DERA: variants seen among roughly 807,000 people sequenced by gnomAD.
The protein encoded by DERA is 2-deoxy-D-ribose 5-phosphate aldolase.
A neutral mutation model predicts 41.1 loss-of-function variants in DERA; 15 were observed. The observed-to-expected ratio is 0.37, with a 90% CI of 0.24 to 0.56. DERA has a LOEUF of 0.56. Ranked by LOEUF, DERA falls within the 20% of genes least tolerant of loss-of-function variation. The pLI is 0.81. For missense variants in DERA, 396 were observed against 403.4 expected, an observed-to-expected ratio of 0.98 and a Z score of 0.16; for synonymous variants, 139 against 137.4, an observed-to-expected ratio of 1.01 and a Z score of -0.08.
intron 5 of DERA, among the ~76,000 whole-genome samples, chr12:15,974,490 GCAGGTATACCA>G (rs1822802628): frequency 6.6e-6 from 1 of 152,026 alleles, no homozygotes; most frequent in African/African-American, 2.4e-5. Context: ...CACATTTTTG[GCAGGTATACCA>G]CAGAACTTTT....
chr12:15,950,471 G>T (rs1468725884), intron 1 of DERA, among the ~76,000 whole-genome samples: 1 of 152,154 alleles, frequency 6.6e-6, no homozygotes, highest in Non-Finnish European at 1.5e-5. Context: ...TTATCAGCAA[G>T]GTCTTTATGA....
At chr12:15,944,122 G>T (rs888594796) in intron 1 of DERA, among the ~76,000 whole-genome samples, 2 of 151,846 alleles carry the variant, frequency 1.3e-5, no homozygotes, top group African/African-American at 4.8e-5. Flanking sequence ...TTAATCCAGG[G>T]TATCATTGAT....
At chr12:15,945,703 T>A (rs1422137712) in intron 1 of DERA, among the ~76,000 whole-genome samples, 1 of 152,192 alleles carries the variant, frequency 6.6e-6, no homozygotes, top group Non-Finnish European at 1.5e-5. Context: ...CTTTTTCTAA[T>A]TGAATACCCT....
chr12:15,929,398 G>A (rs1948311202), intron 1 of DERA, among the ~76,000 whole-genome samples: 2 of 152,150 alleles, frequency 1.3e-5, no homozygotes, highest in Non-Finnish European at 2.9e-5. Flanking sequence ...CCTCTAATTC[G>A]GTTTTGAACA....
At position 15,983,582 on chromosome 12, in the gene DERA, A is replaced by G. The variant is rs1371067651; in HGVS notation, c.637+1146A>G. On this transcript the variant is annotated intron_variant, in intron 6 of 8. Transcript: ENST00000428559. This position sits in a 1 kb window ranked among gnomAD's most constrained non-coding sequence, Gnocchi z 6.2. ...TCCTCTGTGTGTCCCCACGGCATTC[A>G]AGTAAAAGCCCTATCATATAACTTA... Among the ~76,000 whole-genome samples, 1 of 152,160 alleles carries G rather than the reference A, an allele frequency of 6.6e-6. No homozygotes were observed. The highest frequency in any genetic ancestry group is 1.5e-5 in the Non-Finnish European group (1 of 68,022).
rs932971719 is a variant in DERA at position 16,014,267 on chromosome 12, G to A, written c.638-18275G>A. Among the ~76,000 whole-genome samples, 1 of 152,274 alleles carries A rather than the reference G, an allele frequency of 6.6e-6. No homozygotes were observed. Among genetic ancestry groups the A allele is most frequent in the African/African-American group, 2.4e-5 (1 of 41,560 alleles). ...AAGACAGTGGGGGAAATGTCTCCAG[G>A]GCATGTCAGAGATCTTCATGGCAGT... On this transcript the variant is annotated intron_variant, in intron 6 of 8. Coordinates refer to ENST00000428559, the MANE Select transcript of DERA (RefSeq NM_015954.4). The surrounding 1 kb of genome is among the most constrained non-coding windows in gnomAD (Gnocchi z 5.4).
At chr12:15,979,655 G>A (rs993867077) in intron 5 of DERA, among the ~76,000 whole-genome samples, 1 of 152,158 alleles carries the variant, frequency 6.6e-6, no homozygotes, top group Non-Finnish European at 1.5e-5. Flanking sequence ...GGTAAAATAG[G>A]CCAGTAAAAT....
At position 15,989,984 on chromosome 12, in the gene DERA, T is replaced by G. The variant is rs1184259527; in HGVS notation, c.637+7548T>G. ...GTTCTGTCTTGCATATTTTGTGACC[T>G]TGAACAAATAAATTAATCTGGTTAT... On this transcript the variant is annotated intron_variant, in intron 6 of 8. Coordinates refer to ENST00000428559, the MANE Select transcript of DERA (RefSeq NM_015954.4). This position sits in a 1 kb window ranked among gnomAD's most constrained non-coding sequence, Gnocchi z 5.2. 1.3e-5 allele frequency among the ~76,000 whole-genome samples: 2 copies of G among 152,210 alleles called. No homozygotes were observed. Among genetic ancestry groups the G allele is most frequent in the Non-Finnish European group, 2.9e-5 (2 of 68,034 alleles).
chr12:15,912,433 C>A (rs1948171568), intron 1 of DERA, among the ~76,000 whole-genome samples: 1 of 152,170 alleles, frequency 6.6e-6, no homozygotes, highest in Non-Finnish European at 1.5e-5. Context: ...AAACCATGAT[C>A]AAGAGAAGGT....
rs1403350843 is a variant in DERA, at chr12:16,019,418, C to T, written c.638-13124C>T. ...AAACACTGATTTCATGTGATCAGAC[C>T]TCACATTACCTAAAGAACAGAGCCC... is the stretch of plus-strand genomic sequence containing the variant. On this transcript the variant is annotated intron_variant, in intron 6 of 8. Coordinates refer to ENST00000428559, the MANE Select transcript of DERA (RefSeq NM_015954.4). The surrounding 1 kb of genome is among the most constrained non-coding windows in gnomAD (Gnocchi z 4.4). Among the ~76,000 whole-genome samples, 2 of 152,144 alleles carry T rather than the reference C, an allele frequency of 1.3e-5. No homozygotes were observed. Among genetic ancestry groups the T allele is most frequent in the African/African-American group, 4.8e-5 (2 of 41,438 alleles).
intron 1 of DERA, among the ~76,000 whole-genome samples, chr12:15,925,901 C>T (rs1165053934): frequency 6.9e-6 from 1 of 145,550 alleles, no homozygotes; most frequent in Non-Finnish European, 1.5e-5. Context: ...GATCTCGGCT[C>T]ACTGCAGTCT....
At chr12:15,929,292 A>G (rs899263872) in intron 1 of DERA, among the ~76,000 whole-genome samples, 2 of 152,182 alleles carry the variant, frequency 1.3e-5, no homozygotes, top group Non-Finnish European at 2.9e-5. Context: ...CCTTGTCAAA[A>G]CCTGTGTCAC....
At chr12:16,027,942 A>G (rs1394203810) in intron 6 of DERA, among the ~76,000 whole-genome samples, 1 of 152,224 alleles carries the variant, frequency 6.6e-6, no homozygotes, top group African/African-American at 2.4e-5. Context: ...TACAATTGGA[A>G]TTTGAAATTT....
Position 15,921,223 on chromosome 12 carries a change from A to G in DERA, c.31+9809A>G, listed in dbSNP as rs545008227. On this transcript the variant is annotated intron_variant, in intron 1 of 8. Transcript: ENST00000428559. The surrounding 1 kb of genome is among the most constrained non-coding windows in gnomAD (Gnocchi z 5.3). ...CGGGGTGACGTAGTGAAGTAAGTGC[A>G]TATATCTGAAAAGTGCACTGTGTCT... Among the ~76,000 whole-genome samples, 7 of 152,314 alleles carry G rather than the reference A, an allele frequency of 4.6e-5. No individual in the cohort carries two copies. Among genetic ancestry groups the G allele is most frequent in the African/African-American group, 1.7e-4 (7 of 41,574 alleles).
At chr12:15,975,257 C>T (rs1284529928) in intron 5 of DERA, among the ~76,000 whole-genome samples, 2 of 149,198 alleles carry the variant, frequency 1.3e-5, no homozygotes, top group Non-Finnish European at 3.0e-5. Context: ...GCCAGGAGTG[C>T]TGAGTGGTTG....
chr12:15,927,156 C>G (rs1948292987), intron 1 of DERA, among the ~76,000 whole-genome samples: 2 of 152,246 alleles, frequency 1.3e-5, no homozygotes, highest in African/African-American at 4.8e-5. Context: ...GGGAGATGCT[C>G]TTCATGAAGA....
At chr12:15,933,145 T>G (rs1393641934) in intron 1 of DERA, among the ~76,000 whole-genome samples, 1 of 152,244 alleles carries the variant, frequency 6.6e-6, no homozygotes, top group Non-Finnish European at 1.5e-5. Flanking sequence ...AGCAGATGTT[T>G]CTTCAACATA....
intron 1 of DERA, among the ~76,000 whole-genome samples, chr12:15,926,821 G>C (rs1355447320): frequency 2.0e-5 from 3 of 151,756 alleles, no homozygotes; most frequent in Non-Finnish European, 2.9e-5. Flanking sequence ...ATGGTTCTGA[G>C]TGGAGTTCTA....
rs1053634701 is a variant in DERA at position 15,915,441 on chromosome 12, ATATT to A, written c.31+4041_31+4044del. ...AGTTAACGTTTAATTTTTGGAATGG[ATATT>A]TATTTATTTATTTGTTTATTTATTG... On this transcript the variant is annotated intron_variant, in intron 1 of 8. Transcript: ENST00000428559. The surrounding 1 kb of genome is among the most constrained non-coding windows in gnomAD (Gnocchi z 4.8). 8.4e-4 allele frequency among the ~76,000 whole-genome samples: 128 copies of A among 151,998 alleles called. 1 individual carries two copies. Among genetic ancestry groups the A allele is most frequent in the African/African-American group, 3.0e-3 (125 of 41,374 alleles).
Sources: allele counts gnomAD v4.1 joint callset (sites outside exome capture counted in the v4.1 genomes callset), GRCh38; gene constraint gnomAD v4.1.1; non-coding constraint Gnocchi (gnomAD v3.1); transcripts MANE v1.5; gene names NCBI Gene and HGNC (gene_info 2026-07-23, HGNC 2026-07-21).